PLCB1: variants seen among roughly 807,000 people sequenced by gnomAD.
PLCB1 encodes the protein phospholipase C beta 1.
Under a neutral mutation model 161.8 loss-of-function variants are expected in PLCB1, and 46 were observed. The ratio of observed to expected loss-of-function variants is 0.28; its 90% confidence interval spans 0.22 to 0.36. The LOEUF (loss-of-function observed/expected upper bound fraction) is 0.36. PLCB1 is among the 10% of genes least tolerant of loss of function. PLCB1 has a pLI of 1.00. For missense variants in PLCB1, 1,016 were observed against 1,472.5 expected (o/e 0.69, Z 5.07); for synonymous variants, 517 against 503.7 (o/e 1.03, Z -0.35).
chr20:8,728,145 ATCTTG>A (rs1568575234), intron 17 of PLCB1, among the ~76,000 whole-genome samples: 2 of 152,124 alleles, frequency 1.3e-5, no homozygotes, highest in South Asian at 2.1e-4. Context: ...TGTGTGATAG[ATCTTG>A]TCTTATCTCA....
Position 8,649,375 on chromosome 20 carries a change from A to G in PLCB1, c.520A>G (p.Ile174Val), listed in dbSNP as rs748138827. The G allele has an allele frequency of 3.1e-6, 5 of 1,612,270 alleles. No homozygotes were observed. The highest frequency in any genetic ancestry group is 4.2e-6 in the Non-Finnish European group (5 of 1,178,344). Residue 174 changes from isoleucine to valine, a missense_variant and splice_region_variant, in exon 7 of 32, where the codon ATA (isoleucine) becomes GTA (valine). By Grantham distance (29) the Ile-to-Val change is conservative. Transcript: ENST00000338037. ...TPEGRIPLKN[I>V]YRLFSADRKR... The stretch of plus-strand genomic sequence containing the variant: ...TCCTTTGTTGTGTTCACTTCACAGC[A>G]TATATCGCTTGTTTTCAGCAGATCG...
intron 31 of PLCB1, among the ~76,000 whole-genome samples, chr20:8,866,767 G>C (rs6086672): frequency 2.0e-5 from 3 of 151,818 alleles, no homozygotes; most frequent in Non-Finnish European, 2.9e-5. Context: ...CTTCACCTTG[G>C]GGGGAGAATT....
rs1170958192 is a variant in PLCB1 at position 8,716,341 on chromosome 20, A to T, written c.1328A>T (p.Lys443Ile). 6.2e-7 allele frequency: 1 copy of T among 1,611,420 alleles called. No homozygotes were observed. Among genetic ancestry groups the T allele is most frequent in the East Asian group, 2.2e-5 (1 of 44,856 alleles). ...GDALLMEPLE[K>I]YPLESGVPLP... ...GCCCTTCTCATGGAGCCCCTGGAAA[A>T]ATATCCAGTAAGCAGTTCTGATGTT... Residue 443 changes from lysine (K) to isoleucine (I), a missense_variant, in exon 13 of 32, where the codon AAA becomes ATA. Around this residue, in one of 10 missense-constraint regions of PLCB1, gnomAD observed 56 missense variants for 126.3 expected, o/e 0.44. Coordinates refer to ENST00000338037, the MANE Select transcript of PLCB1 (RefSeq NM_015192.4).
chr20:8,677,607 A>G (rs1990117217), intron 9 of PLCB1, among the ~76,000 whole-genome samples: 1 of 152,190 alleles, frequency 6.6e-6, no homozygotes, highest in South Asian at 2.1e-4. Context: ...CAAAAGTGCT[A>G]GAAATTGCCA....
At chr20:8,757,782 C>T (rs982010650) in intron 24 of PLCB1, among the ~76,000 whole-genome samples, 8 of 151,956 alleles carry the variant, frequency 5.3e-5, no homozygotes, top group African/African-American at 1.9e-4. Context: ...GATGCAGTTC[C>T]CAATGATACT....
rs6056078 is a variant in PLCB1 at position 8,765,060 on chromosome 20, C to G, written c.2711-79C>G. The stretch of plus-strand genomic sequence containing the variant: ...GCTGGGCAAGATCAACCATTTCTTC[C>G]TAAGAAGGTAGCCGCTCTTCTTTCC... On this transcript the variant is annotated intron_variant, in intron 25 of 31. Coordinates refer to ENST00000338037, the MANE Select transcript of PLCB1 (RefSeq NM_015192.4). 44 of 1,097,638 alleles carry G rather than the reference C, an allele frequency of 4.0e-5. No individual in the cohort carries two copies. In the African/African-American group the frequency reaches 6.4e-4, roughly 16 times the overall value. 68.0% of individuals were successfully genotyped at this position (1,097,638 alleles called of 1,614,324 possible).
rs759890230 is a variant in PLCB1, at chr20:8,132,629, G to T, written c.-23G>T. On this transcript the variant is annotated 5_prime_UTR_variant, in exon 1 of 32. Transcript: ENST00000338037. This position sits in a 1 kb window ranked among gnomAD's most constrained non-coding sequence, Gnocchi z 5.2. ...AGTCCCTGCCGCGCTCGCCCGGGCCGCCCGGAGCCCAGATGAGCCCAGATG... is the reference window on the plus strand; with the variant it reads ...AGTCCCTGCCGCGCTCGCCCGGGCCTCCCGGAGCCCAGATGAGCCCAGATG... 14 of 1,572,736 alleles carry T rather than the reference G, an allele frequency of 8.9e-6. No individual in the cohort carries two copies. Among genetic ancestry groups the T allele is most frequent in the Non-Finnish European group, 1.2e-5 (14 of 1,153,312 alleles).
At position 8,781,956 on chromosome 20, in the gene PLCB1, C is replaced by T. The variant is rs1447172999; in HGVS notation, c.3112-6493C>T. 2.6e-5 allele frequency among the ~76,000 whole-genome samples: 4 copies of T among 152,198 alleles called. No individual in the cohort carries two copies. The East Asian group carries it at 5.8e-4, about 22-fold the overall frequency. On this transcript the variant is annotated intron_variant, in intron 27 of 31. Coordinates refer to ENST00000338037, the MANE Select transcript of PLCB1 (RefSeq NM_015192.4). ...CTACACGATGAGATTTGGGTGGGGA[C>T]ACAGAGCCAAACCATGTCAGGTGGC...
At chr20:8,563,995 C>T (rs1264692293) in intron 3 of PLCB1, among the ~76,000 whole-genome samples, 2 of 152,074 alleles carry the variant, frequency 1.3e-5, no homozygotes, top group Non-Finnish European at 2.9e-5. Context: ...GAAAAATTTA[C>T]TTTAAATTTC....
rs1443460483 is a variant in PLCB1 at position 8,621,964 on chromosome 20, CTTG to C, written c.247-6324_247-6322del. ...TTGACACAGTCACTAATTAGAAGAA[CTTG>C]TTGTTATATGTATCATTTTTATAGA... On this transcript the variant is annotated intron_variant, in intron 3 of 31. Coordinates refer to ENST00000338037, the MANE Select transcript of PLCB1 (RefSeq NM_015192.4). 2.6e-5 allele frequency among the ~76,000 whole-genome samples: 4 copies of C among 152,240 alleles called. No individual in the cohort carries two copies. The East Asian group carries it at 5.8e-4, about 22-fold the overall frequency.
At chr20:8,392,050 A>G (rs1404416349) in intron 3 of PLCB1, among the ~76,000 whole-genome samples, 1 of 151,920 alleles carries the variant, frequency 6.6e-6, no homozygotes, top group African/African-American at 2.4e-5. Context: ...TGTCCAGTTT[A>G]TGAGCAGCGA....
intron 25 of PLCB1, among the ~76,000 whole-genome samples, chr20:8,761,195 G>A (rs1396990294): frequency 1.3e-5 from 2 of 152,126 alleles, no homozygotes; most frequent in Non-Finnish European, 2.9e-5. Context: ...GAGGAAAAAA[G>A]TCAGACACAA....
intron 2 of PLCB1, among the ~76,000 whole-genome samples, chr20:8,353,487 G>A (rs1227114774): frequency 1.3e-5 from 2 of 152,048 alleles, no homozygotes; most frequent in Admixed American, 6.6e-5. Context: ...GAGTAATTGT[G>A]ATGCAGAAAC....
chr20:8,447,149 C>A (rs1414029661), intron 3 of PLCB1, among the ~76,000 whole-genome samples: 6 of 152,108 alleles, frequency 3.9e-5, no homozygotes. Flanking sequence ...GCCAGCTATA[C>A]CCTGCAACAG....
At chr20:8,303,513 A>G (rs1424238873) in intron 2 of PLCB1, among the ~76,000 whole-genome samples, 1 of 152,240 alleles carries the variant, frequency 6.6e-6, no homozygotes, top group East Asian at 1.9e-4. Context: ...GTGACATTTT[A>G]CTATCCTTTT....
At chr20:8,272,798 G>T (rs1411908888) in intron 2 of PLCB1, among the ~76,000 whole-genome samples, 1 of 152,042 alleles carries the variant, frequency 6.6e-6, no homozygotes, top group African/African-American at 2.4e-5. Flanking sequence ...AAAAAATATT[G>T]AAGTCCCTGC....
intron 2 of PLCB1, among the ~76,000 whole-genome samples, chr20:8,153,850 C>A (rs1312053781): frequency 6.6e-6 from 1 of 152,116 alleles, no homozygotes; most frequent in Non-Finnish European, 1.5e-5. Context: ...GGAGGAAGAA[C>A]ACACGGTTTG....
chr20:8,410,894 T>G (rs570051934), intron 3 of PLCB1, among the ~76,000 whole-genome samples: 14 of 152,280 alleles, frequency 9.2e-5, no homozygotes, highest in African/African-American at 3.4e-4. Context: ...AATGTGAAGA[T>G]GGAGGCAGAG....
chr20:8,717,819 G>T lies in PLCB1; in HGVS notation c.1484G>T (p.Ser495Ile). 1 of 1,611,822 alleles carries T rather than the reference G, an allele frequency of 6.2e-7. No homozygotes were observed. Among genetic ancestry groups the T allele is most frequent in the Non-Finnish European group, 8.5e-7 (1 of 1,179,400 alleles). Residue 495 changes from serine (S) to isoleucine (I), a missense_variant, in exon 14 of 32, where the codon AGC becomes ATC. Physicochemically the swap from Ser to Ile is moderately radical, Grantham distance 142 (BLOSUM62 -2). Transcript: ENST00000338037. ...QASNTYSDSS[S>I]MFEPSSPGAG... Reference sequence around the variant, plus strand: ...TCCAACACCTACAGTGACTCCTCCAGCATGTTCGAGCCCTCATCCCCAGGA... The same window carrying T: ...TCCAACACCTACAGTGACTCCTCCATCATGTTCGAGCCCTCATCCCCAGGA...
Sources: gnomAD v4.1 joint callset for allele counts (sites outside exome capture counted in the v4.1 genomes callset) on GRCh38, gnomAD v4.1.1 for gene constraint, gnomAD v4.1.1 regional missense constraint, Gnocchi (gnomAD v3.1) non-coding constraint, MANE v1.5 for transcripts, NCBI Gene and HGNC (gene_info 2026-07-23, HGNC 2026-07-21) for gene names.